Variants in SRC observed in about 807,000 individuals in gnomAD.
SRC encodes proto-oncogene tyrosine-protein kinase Src.
In SRC, 13 loss-of-function variants were observed where a neutral mutation model predicts 62.9. The observed-to-expected ratio is 0.21, with a 90% CI of 0.13 to 0.33. The LOEUF (loss-of-function observed/expected upper bound fraction) is 0.33. Among genes scored for constraint, SRC ranks in the 10% least tolerant of loss-of-function variants. SRC has a pLI of 1.00. For missense variants in SRC, 457 were observed against 737.3 expected, an observed-to-expected ratio of 0.62 and a Z score of 4.40; for synonymous variants, 302 against 317.5, an observed-to-expected ratio of 0.95 and a Z score of 0.52.
At position 37,373,069 on chromosome 20, in the gene SRC, T is replaced by C. The variant is rs577726529; in HGVS notation, c.-173+7792T>C. ...ACATATATACATATATACACACATA[T>C]ACACACATATATACATATATAAATA... On this transcript the variant is annotated intron_variant, in intron 2 of 13. Coordinates refer to ENST00000373578, the MANE Select transcript of SRC (RefSeq NM_198291.3). Among the ~76,000 whole-genome samples the C allele has an allele frequency of 1.8e-3, 272 of 151,784 alleles. 1 individual carries two copies. Among genetic ancestry groups the C allele is most frequent in the Middle Eastern group, 3.4e-3 (1 of 290 alleles).
rs2147101309 is a variant in SRC, at chr20:37,396,267, G to A, written c.659G>A (p.Arg220His). 6.2e-7 allele frequency: 1 copy of A among 1,613,724 alleles called. No homozygotes were observed. Among genetic ancestry groups the A allele is most frequent in the Non-Finnish European group, 8.5e-7 (1 of 1,179,960 alleles). The change falls in exon 8 of 14, where the codon CGC (arginine) becomes CAC (histidine). Residue 220 changes from arginine (R) to histidine (H), a missense_variant. Around this residue, in one of 4 missense-constraint regions of SRC, gnomAD observed 141 missense variants for 198.4 expected, o/e 0.71. Transcript: ENST00000373578. This position sits in a 1 kb window ranked among gnomAD's most constrained non-coding sequence, Gnocchi z 6.1. ...LDSGGFYITS[R>H]TQFNSLQQLV... ...AGCGGCGGCTTCTACATCACCTCCC[G>A]CACCCAGTTCAACAGCCTGCAGCAG...
At chr20:37,381,853 G>C (rs540939899) in intron 2 of SRC, among the ~76,000 whole-genome samples, 1 of 152,164 alleles carries the variant, frequency 6.6e-6, no homozygotes, top group Non-Finnish European at 1.5e-5. Flanking sequence ...TGTCCCTCAG[G>C]AGACCATGGT....
intron 1 of SRC, among the ~76,000 whole-genome samples, chr20:37,359,293 T>C (rs773640910): frequency 1.3e-5 from 2 of 152,236 alleles, no homozygotes; most frequent in Non-Finnish European, 2.9e-5. Flanking sequence ...GAGCTGCAGA[T>C]AGCAAGGAAC....
intron 1 of SRC, among the ~76,000 whole-genome samples, chr20:37,354,391 G>A (rs1486906909): frequency 6.6e-6 from 1 of 152,140 alleles, no homozygotes; most frequent in African/African-American, 2.4e-5. Context: ...GCTGGGGTGG[G>A]GACTGGGTAC....
At chr20:37,390,552 C>T (rs530924466) in intron 5 of SRC, among the ~76,000 whole-genome samples, 22 of 152,016 alleles carry the variant, frequency 1.4e-4, no homozygotes, top group South Asian at 6.2e-4. Context: ...ATTACAGGCA[C>T]GCACCACCAT....
At chr20:37,357,144 A>C (rs1346824191) in intron 1 of SRC, among the ~76,000 whole-genome samples, 2 of 152,100 alleles carry the variant, frequency 1.3e-5, no homozygotes, top group Admixed American at 1.3e-4. Context: ...CCCTTTGTGG[A>C]GGGCGGATGG....
Position 37,373,345 on chromosome 20 carries a change from CAT to C in SRC, c.-173+8071_-173+8072del, listed in dbSNP as rs796373855. Among the ~76,000 whole-genome samples, 167 of 151,060 alleles carry C rather than the reference CAT, an allele frequency of 1.1e-3. 2 individuals are homozygous for C. Among genetic ancestry groups the C allele is most frequent in the African/African-American group, 3.8e-3 (154 of 40,798 alleles). ...ACACACATACACACATGTACACACA[CAT>C]ATGTACATATATACACATACACATA... is the stretch of plus-strand genomic sequence containing the variant. On this transcript the variant is annotated intron_variant, in intron 2 of 13. Coordinates refer to ENST00000373578, the MANE Select transcript of SRC (RefSeq NM_198291.3).
In SRC at chr20:37,402,031, G is replaced by A. The variant is rs2070745068; in HGVS notation, c.1116+353G>A. On this transcript the variant is annotated intron_variant, in intron 11 of 13. Coordinates refer to ENST00000373578, the MANE Select transcript of SRC (RefSeq NM_198291.3). The surrounding 1 kb of genome is among the most constrained non-coding windows in gnomAD (Gnocchi z 6.2). ...TTTTTTTTCATTTAATCCTCATCAC[G>A]ACCAGGAGTGACGAGGATTGGCTGT... 1 of 301,010 alleles carries A rather than the reference G, an allele frequency of 3.3e-6. No individual in the cohort carries two copies. The highest frequency in any genetic ancestry group is 2.2e-5 in the African/African-American group (1 of 45,864). 18.6% of individuals were successfully genotyped at this position (301,010 alleles called of 1,614,324 possible).
intron 5 of SRC, 66 bp from the exon 6 acceptor site, chr20:37,393,829 G>A (rs1376507571): frequency 8.0e-7 from 1 of 1,249,878 alleles, no homozygotes; most frequent in East Asian, 2.4e-5. Flanking sequence ...CTAGGAGGAT[G>A]GTGGGCACCG....
Position 37,402,183 on chromosome 20 carries a change from T to C in SRC, c.1117-252T>C, listed in dbSNP as rs1311284863. ...TCCCTGGTCACCTCGCTTTCCTGGC[T>C]GCATCGGATCTCGTGCCTCCCCTTT... On this transcript the variant is annotated intron_variant, in intron 11 of 13. Coordinates refer to ENST00000373578, the MANE Select transcript of SRC (RefSeq NM_198291.3). The surrounding 1 kb of genome is among the most constrained non-coding windows in gnomAD (Gnocchi z 6.2). 5 of 450,210 alleles carry C rather than the reference T, an allele frequency of 1.1e-5. No individual in the cohort carries two copies. In the South Asian group the frequency reaches 1.8e-4, roughly 17 times the overall value. The allele number at this position is 450,210 out of a possible 1,614,324, so 27.9% of individuals were successfully genotyped here. A position where few individuals can be genotyped will look rare whatever the true frequency, so the allele number is the denominator to read the frequency against.
chr20:37,356,018 C>T (rs576428214), intron 1 of SRC, among the ~76,000 whole-genome samples: 7 of 152,260 alleles, frequency 4.6e-5, no homozygotes, highest in African/African-American at 9.6e-5. Context: ...AGGATCAGAC[C>T]GGCCTCAGAG....
chr20:37,370,392 T>TG (rs2070143158), intron 2 of SRC, among the ~76,000 whole-genome samples: 1 of 152,148 alleles, frequency 6.6e-6, no homozygotes, highest in Non-Finnish European at 1.5e-5. Flanking sequence ...CTGGCCAACA[T>TG]GGCGAAACCT....
chr20:37,400,036 C>T (rs980881989), intron 9 of SRC, 79 bp from the exon 10 acceptor site: 11 of 1,426,544 alleles, frequency 7.7e-6, no homozygotes, highest in Admixed American at 7.3e-5. Context: ...ACACTGGCGC[C>T]CAGGTGGGCA....
At chr20:37,391,861 T>A (rs187076431) in intron 5 of SRC, among the ~76,000 whole-genome samples, 59 of 152,032 alleles carry the variant, frequency 3.9e-4, no homozygotes, top group African/African-American at 1.1e-3. Flanking sequence ...CTCAAAAAAA[T>A]AAATAAATAA....
At chr20:37,379,059 T>C (rs943054161) in intron 2 of SRC, among the ~76,000 whole-genome samples, 9 of 151,890 alleles carry the variant, frequency 5.9e-5, no homozygotes, top group Non-Finnish European at 1.2e-4. Context: ...CTAGGCCACT[T>C]GGGGACCTGC....
At chr20:37,376,351 A>G (rs894884850) in intron 2 of SRC, among the ~76,000 whole-genome samples, 1 of 152,260 alleles carries the variant, frequency 6.6e-6, no homozygotes, top group Non-Finnish European at 1.5e-5. Flanking sequence ...TCTATGTGCC[A>G]GGCACTTTAC....
chr20:37,373,274 A>G (rs1000560554), intron 2 of SRC, among the ~76,000 whole-genome samples: 20 of 150,866 alleles, frequency 1.3e-4, no homozygotes, highest in South Asian at 8.5e-4. Context: ...ATACGCACAC[A>G]CACACACACA....
intron 9 of SRC, among the ~76,000 whole-genome samples, chr20:37,399,692 G>T (rs1276306126): frequency 2.0e-5 from 3 of 151,888 alleles, no homozygotes; most frequent in African/African-American, 7.3e-5. Context: ...TTACAGGCAC[G>T]CACCACTACC....
At position 37,384,596 on chromosome 20, in the gene SRC, TG is replaced by T. The variant is rs1314774263; in HGVS notation, c.250+195del. ...TGTGAAGCGTCCGCGCCGCCGCCGC[TG>T]GCTTTGGGGTGGAGCAAGCGCAAAA... On this transcript the variant is annotated intron_variant, in intron 4 of 13. Transcript: ENST00000373578. The surrounding 1 kb of genome is among the most constrained non-coding windows in gnomAD (Gnocchi z 6.7). Among the ~76,000 whole-genome samples the T allele has an allele frequency of 6.6e-6, 1 of 150,864 alleles. No individual in the cohort carries two copies. The highest frequency in any genetic ancestry group is 1.5e-5 in the Non-Finnish European group (1 of 67,752).
Sources: gnomAD v4.1 joint callset for allele counts (sites outside exome capture counted in the v4.1 genomes callset) on GRCh38, gnomAD v4.1.1 for gene constraint, gnomAD v4.1.1 regional missense constraint, Gnocchi (gnomAD v3.1) non-coding constraint, MANE v1.5 for transcripts, NCBI Gene and HGNC (gene_info 2026-07-23, HGNC 2026-07-21) for gene names.